Variants in GLRA3 observed in about 807,000 individuals in gnomAD.
GLRA3 encodes glycine receptor subunit alpha-3.
A neutral mutation model predicts 60.4 loss-of-function variants in GLRA3; 44 were observed. The observed-to-expected ratio is 0.73, with a 90% CI of 0.57 to 0.94. The LOEUF (loss-of-function observed/expected upper bound fraction) is 0.94. Ranked by LOEUF, GLRA3 falls within the 40% of genes least tolerant of loss-of-function variation. The pLI, the probability that GLRA3 is intolerant of heterozygous loss-of-function variation, is 0.00. For missense variants in GLRA3, 508 were observed against 564.6 expected (o/e 0.90, Z 1.02); for synonymous variants, 223 against 192.9 (o/e 1.16, Z -1.29).
Position 174,766,982 on chromosome 4 carries a change from G to T in GLRA3, c.248C>A (p.Ser83Tyr). 6.3e-7 allele frequency: 1 copy of T among 1,595,086 alleles called. No individual in the cohort carries two copies. The highest frequency in any genetic ancestry group is 8.6e-7 in the Non-Finnish European group (1 of 1,165,276). Residue 83 changes from serine to tyrosine, a missense_variant, in exon 3 of 10, where the codon TCT (serine) becomes TAT (tyrosine). Physicochemically the swap from Ser to Tyr is moderately radical, Grantham distance 144. Around this residue, in one of 3 missense-constraint regions of GLRA3, gnomAD observed 329 missense variants for 349.3 expected, o/e 0.94. Coordinates refer to ENST00000274093, the MANE Select transcript of GLRA3 (RefSeq NM_006529.4). ...TCNIFINSFG[S>Y]IAETTMDYRV... The stretch of plus-strand genomic sequence containing the variant: ...GCCTACCATGGTCGTCTCTGCGATA[G>T]AGCCAAAGCTGTTGATGAATATGTT...
intron 5 of GLRA3, among the ~76,000 whole-genome samples, chr4:174,686,875 T>A (rs12641133): frequency 0.98 from 149,227 of 152,318 alleles, 73,174 homozygotes; most frequent in East Asian, 1. Flanking sequence ...ATATAAAGTG[T>A]CAAATAATGT....
At chr4:174,746,480 T>A (rs1372967347) in intron 3 of GLRA3, among the ~76,000 whole-genome samples, 1 of 152,110 alleles carries the variant, frequency 6.6e-6, no homozygotes, top group Non-Finnish European at 1.5e-5. Flanking sequence ...GAATGATAGA[T>A]ACCAGGGACT....
intron 5 of GLRA3, among the ~76,000 whole-genome samples, chr4:174,706,229 CAGAAAAAAAAA>C (rs932936331): frequency 7.7e-5 from 10 of 130,272 alleles, no homozygotes; most frequent in African/African-American, 2.0e-4. Context: ...GACTCCGTCT[CAGAAAAAAAAA>C]AGAAAAAAAA....
At chr4:174,711,085 TATA>T (rs1579487879) in intron 5 of GLRA3, among the ~76,000 whole-genome samples, 1 of 152,152 alleles carries the variant, frequency 6.6e-6, no homozygotes, top group East Asian at 1.9e-4. Context: ...TATATTAATA[TATA>T]ATAATGTATG....
intron 2 of GLRA3, among the ~76,000 whole-genome samples, chr4:174,783,863 C>T (rs1739001257): frequency 6.6e-6 from 1 of 152,168 alleles, no homozygotes; most frequent in Admixed American, 6.5e-5. Context: ...CACTTTTACA[C>T]TGTTGGTGGT....
intron 1 of GLRA3, among the ~76,000 whole-genome samples, chr4:174,806,861 A>T (rs893859731): frequency 2.0e-5 from 3 of 152,040 alleles, no homozygotes; most frequent in East Asian, 1.9e-4. Context: ...ATATTCATTT[A>T]GTTGTATATA....
intron 2 of GLRA3, among the ~76,000 whole-genome samples, chr4:174,781,930 C>A (rs1738893257): frequency 6.6e-6 from 1 of 151,876 alleles, no homozygotes; most frequent in Non-Finnish European, 1.5e-5. Flanking sequence ...CTATTCCAAT[C>A]AATAGAAAAA....
chr4:174,820,719 T>A (rs1295099170), intron 1 of GLRA3, among the ~76,000 whole-genome samples: 1 of 152,156 alleles, frequency 6.6e-6, no homozygotes, highest in Non-Finnish European at 1.5e-5. Context: ...CTCAAATAAC[T>A]TATCTTCTTC....
At chr4:174,697,578 T>G (rs554493081) in intron 5 of GLRA3, among the ~76,000 whole-genome samples, 1 of 152,360 alleles carries the variant, frequency 6.6e-6, no homozygotes, top group South Asian at 2.1e-4. Flanking sequence ...ATTGGTCTGG[T>G]AAATTAAGCA....
chr4:174,807,218 C>A (rs750104553), intron 1 of GLRA3, among the ~76,000 whole-genome samples: 1 of 151,916 alleles, frequency 6.6e-6, no homozygotes, highest in African/African-American at 2.4e-5. Context: ...TAAACTTGGT[C>A]TCTTATACCA....
At chr4:174,733,864 C>T (rs1438316044) in intron 3 of GLRA3, among the ~76,000 whole-genome samples, 1 of 152,080 alleles carries the variant, frequency 6.6e-6, no homozygotes, top group Non-Finnish European at 1.5e-5. Flanking sequence ...CTTCTGTGGC[C>T]ACATCAGACT....
In GLRA3 at chr4:174,783,226, C is replaced by T. The variant is rs566887313; in HGVS notation, c.199+5590G>A. Reference sequence around the variant, plus strand: ...AAAAACAAACAATGGGGAAAGGATTCCCTATTTAATAAGTGGTGCTGGGAA... The same window carrying T: ...AAAAACAAACAATGGGGAAAGGATTTCCTATTTAATAAGTGGTGCTGGGAA... On this transcript the variant is annotated intron_variant, in intron 2 of 9. Transcript: ENST00000274093. Among the ~76,000 whole-genome samples, 4 of 150,120 alleles carry T rather than the reference C, an allele frequency of 2.7e-5. No homozygotes were observed. In the South Asian group the frequency reaches 8.4e-4, roughly 32 times the overall value.
intron 5 of GLRA3, among the ~76,000 whole-genome samples, chr4:174,707,834 C>T (rs1380133524): frequency 1.3e-5 from 2 of 152,184 alleles, no homozygotes; most frequent in African/African-American, 4.8e-5. Flanking sequence ...CACTTCACTT[C>T]TCGAAGCATA....
In GLRA3 at chr4:174,770,323, T is replaced by C. The variant is rs185894982; in HGVS notation, c.200-3293A>G. On this transcript the variant is annotated intron_variant, in intron 2 of 9. Transcript: ENST00000274093. The stretch of plus-strand genomic sequence containing the variant: ...CATGCAACCAAGGCATCAGTATTTT[T>C]AAAAGCTTCCTAGGTCATTATAATG... 6.6e-5 allele frequency among the ~76,000 whole-genome samples: 10 copies of C among 152,216 alleles called. No individual in the cohort carries two copies. In the East Asian group the frequency reaches 1.7e-3, roughly 26 times the overall value.
intron 1 of GLRA3, among the ~76,000 whole-genome samples, chr4:174,814,159 A>G (rs907749839): frequency 1.1e-4 from 17 of 152,192 alleles, no homozygotes; most frequent in African/African-American, 3.4e-4. Context: ...TAACAGCTCA[A>G]TAGGGGGTCA....
intron 8 of GLRA3, among the ~76,000 whole-genome samples, chr4:174,658,428 G>A (rs1371883229): frequency 1.3e-5 from 2 of 152,142 alleles, no homozygotes; most frequent in Non-Finnish European, 2.9e-5. Context: ...AATCCAATTA[G>A]GGGTTTACTT....
At chr4:174,680,457 A>G (rs951769867) in intron 6 of GLRA3, among the ~76,000 whole-genome samples, 3 of 152,228 alleles carry the variant, frequency 2.0e-5, no homozygotes, top group Non-Finnish European at 4.4e-5. Flanking sequence ...TTTAACACAT[A>G]TTGTTACATA....
chr4:174,685,653 A>AT (rs1734529268), intron 5 of GLRA3, among the ~76,000 whole-genome samples: 1 of 152,200 alleles, frequency 6.6e-6, no homozygotes, highest in South Asian at 2.1e-4. Context: ...ATTAATAATG[A>AT]TTTGATTGGT....
chr4:174,761,967 ATTTG>A (rs2111224607), intron 3 of GLRA3, among the ~76,000 whole-genome samples: 1 of 152,326 alleles, frequency 6.6e-6, no homozygotes, highest in South Asian at 2.1e-4. Flanking sequence ...TAAAGAAGTG[ATTTG>A]TCAGAATAAA....
Sources: allele counts gnomAD v4.1 joint callset (sites outside exome capture counted in the v4.1 genomes callset), GRCh38; gene constraint gnomAD v4.1.1; regional missense constraint gnomAD v4.1.1; transcripts MANE v1.5; gene names NCBI Gene and HGNC (gene_info 2026-07-23, HGNC 2026-07-21).